Variants in THEMIS observed in about 807,000 individuals in gnomAD.
The protein encoded by THEMIS is thymocyte selection associated, also known as protein THEMIS.
In THEMIS, 37 loss-of-function variants were observed where a neutral mutation model predicts 52.6. The observed-to-expected ratio is 0.70, with a 90% CI of 0.54 to 0.93. The LOEUF is 0.93. Among genes scored for constraint, THEMIS ranks in the 40% least tolerant of loss-of-function variants. The probability of loss-of-function intolerance (pLI) is 0.00; values close to 1 mark genes in which losing one functional copy is unlikely to be tolerated. For missense variants in THEMIS, 808 were observed against 763.1 expected, an observed-to-expected ratio of 1.06 and a Z score of -0.69; for synonymous variants, 292 against 272.7, an observed-to-expected ratio of 1.07 and a Z score of -0.70.
chr6:127,817,995 C>G (rs1177593922), intron 3 of THEMIS, among the ~76,000 whole-genome samples: 1 of 152,134 alleles, frequency 6.6e-6, no homozygotes, highest in Non-Finnish European at 1.5e-5. Flanking sequence ...TTAAAAAATG[C>G]CTGTCCTCAA....
intron 2 of THEMIS, among the ~76,000 whole-genome samples, chr6:127,831,132 T>A (rs1321510194): frequency 6.6e-6 from 1 of 152,222 alleles, no homozygotes; most frequent in Admixed American, 6.5e-5. Context: ...AAAACTGCAC[T>A]ATTTTTACTA....
intron 1 of THEMIS, among the ~76,000 whole-genome samples, chr6:127,867,172 G>A (rs1454583356): frequency 6.6e-6 from 1 of 151,898 alleles, no homozygotes; most frequent in African/African-American, 2.4e-5. Context: ...GAATGCAGCT[G>A]TACTTAGGCA....
chr6:127,804,455 G>A (rs575640721), intron 4 of THEMIS, among the ~76,000 whole-genome samples: 8 of 152,284 alleles, frequency 5.3e-5, no homozygotes, highest in Middle Eastern at 3.4e-3. Context: ...ATGGAGCAAT[G>A]TGGAAGATTA....
chr6:127,785,968 A>G (rs1418789908), intron 4 of THEMIS, among the ~76,000 whole-genome samples: 2 of 152,090 alleles, frequency 1.3e-5, no homozygotes, highest in Non-Finnish European at 2.9e-5. Flanking sequence ...AAAGTACCTC[A>G]TCTTCTCATA....
intron 2 of THEMIS, among the ~76,000 whole-genome samples, chr6:127,834,437 A>G (rs1218715260): frequency 7.5e-6 from 1 of 133,060 alleles, no homozygotes; most frequent in East Asian, 2.5e-4. Context: ...AAAAAAAAAA[A>G]GCTGGGCGTG....
intron 4 of THEMIS, among the ~76,000 whole-genome samples, chr6:127,801,812 T>C (rs1777545162): frequency 6.6e-6 from 1 of 152,140 alleles, no homozygotes; most frequent in Non-Finnish European, 1.5e-5. Context: ...TAGACAAAAG[T>C]CCTGGTGGGG....
chr6:127,848,769 ATTGT>A (rs1308581769), intron 2 of THEMIS, among the ~76,000 whole-genome samples: 6 of 151,298 alleles, frequency 4.0e-5, no homozygotes, highest in Non-Finnish European at 7.4e-5. Context: ...TTTTGATGGG[ATTGT>A]TTGTTTTTTT....
intron 4 of THEMIS, among the ~76,000 whole-genome samples, chr6:127,755,525 A>G (rs1775792584): frequency 6.6e-6 from 1 of 152,132 alleles, no homozygotes; most frequent in Non-Finnish European, 1.5e-5. Context: ...TTATTTTGCT[A>G]TCAACTTTAC....
chr6:127,776,282 T>A lies in THEMIS; in HGVS notation c.1758+36601A>T, dbSNP rs774460901. Among the ~76,000 whole-genome samples, 125 of 152,206 alleles carry A rather than the reference T, an allele frequency of 8.2e-4. 1 individual carries two copies. Among genetic ancestry groups the A allele is most frequent in the Non-Finnish European group, 2.9e-4 (20 of 68,030 alleles). ...TAGGTCCTTGTGTAACCCCTGACTTTGATTGTAGGCGGATTTAGTGACTAG... is the reference window on the plus strand; with the variant it reads ...TAGGTCCTTGTGTAACCCCTGACTTAGATTGTAGGCGGATTTAGTGACTAG... On this transcript the variant is annotated intron_variant, in intron 4 of 5. Transcript: ENST00000368248.
chr6:127,717,903 G>A (rs913894651), intron 5 of THEMIS, among the ~76,000 whole-genome samples: 4 of 151,182 alleles, frequency 2.6e-5, no homozygotes, highest in Non-Finnish European at 5.9e-5. Context: ...GGAAATGACT[G>A]ACTTATGTCT....
intron 5 of THEMIS, among the ~76,000 whole-genome samples, chr6:127,716,059 G>A (rs1774148476): frequency 6.6e-6 from 1 of 151,884 alleles, no homozygotes; most frequent in East Asian, 1.9e-4. Flanking sequence ...CAGTGACACA[G>A]ATTTAGTGTA....
At chr6:127,775,418 G>T (rs1380910250) in intron 4 of THEMIS, among the ~76,000 whole-genome samples, 1 of 152,166 alleles carries the variant, frequency 6.6e-6, no homozygotes, top group African/African-American at 2.4e-5. Flanking sequence ...GACCCTCACA[G>T]CAGAGAGGGC....
chr6:127,716,643 T>C (rs1774172913), intron 5 of THEMIS, among the ~76,000 whole-genome samples: 1 of 151,968 alleles, frequency 6.6e-6, no homozygotes, highest in African/African-American at 2.4e-5. Flanking sequence ...CCTCAAGCGC[T>C]GTTCCTGGGA....
intron 4 of THEMIS, among the ~76,000 whole-genome samples, chr6:127,756,689 G>GT (rs1429043565): frequency 6.6e-6 from 1 of 152,150 alleles, no homozygotes; most frequent in African/African-American, 2.4e-5. Flanking sequence ...AATTCCAAAA[G>GT]TGAGTTTCAT....
chr6:127,857,605 GTCCAA>G (rs1779660784), intron 1 of THEMIS, among the ~76,000 whole-genome samples: 1 of 151,942 alleles, frequency 6.6e-6, no homozygotes, highest in Non-Finnish European at 1.5e-5. Flanking sequence ...AGTTATCATG[GTCCAA>G]AAACACATTT....
At chr6:127,713,247 T>G (rs1310128393) in intron 5 of THEMIS, among the ~76,000 whole-genome samples, 1 of 151,942 alleles carries the variant, frequency 6.6e-6, no homozygotes, top group Non-Finnish European at 1.5e-5. Flanking sequence ...AATAGCTGCT[T>G]TATTTCCCCT....
chr6:127,850,234 A>C (rs983504886), intron 2 of THEMIS, among the ~76,000 whole-genome samples: 12 of 152,104 alleles, frequency 7.9e-5, no homozygotes, highest in South Asian at 2.1e-4. Context: ...AAGTCAAAAA[A>C]CAATAGATGA....
chr6:127,743,758 C>A (rs1193499372), intron 4 of THEMIS, among the ~76,000 whole-genome samples: 1 of 152,022 alleles, frequency 6.6e-6, no homozygotes, highest in African/African-American at 2.4e-5. Context: ...GTACACAATG[C>A]ATCATAAATG....
chr6:127,754,052 T>G (rs1775737269), intron 4 of THEMIS, among the ~76,000 whole-genome samples: 1 of 152,150 alleles, frequency 6.6e-6, no homozygotes, highest in Non-Finnish European at 1.5e-5. Context: ...GCTGTATACA[T>G]TGAATATGTG....
Sources: gnomAD v4.1 joint callset for allele counts (sites outside exome capture counted in the v4.1 genomes callset) on GRCh38, gnomAD v4.1.1 for gene constraint, MANE v1.5 for transcripts, NCBI Gene and HGNC (gene_info 2026-07-23, HGNC 2026-07-21) for gene names.